The following KCNMA1 variants were observed in gnomAD, a reference collection of about 807,000 sequenced individuals.
The protein encoded by KCNMA1 is Calcium-activated potassium channel subunit alpha-1.
In KCNMA1, 29 loss-of-function variants were observed where a neutral mutation model predicts 140.0. That is an observed-to-expected ratio of 0.21 (90% CI 0.15 to 0.28). The LOEUF (loss-of-function observed/expected upper bound fraction) is 0.28. Ranked by LOEUF, KCNMA1 falls within the 10% of genes least tolerant of loss-of-function variation. The pLI, the probability that KCNMA1 is intolerant of heterozygous loss-of-function variation, is 1.00. For missense variants in KCNMA1, 880 were observed against 1,602.2 expected (o/e 0.55, Z 7.70); for synonymous variants, 612 against 611.9 (o/e 1.00, Z 0.00).
intron 1 of KCNMA1, among the ~76,000 whole-genome samples, chr10:77,524,356 C>T (rs181764327): frequency 6.6e-6 from 1 of 152,262 alleles, no homozygotes; most frequent in East Asian, 1.9e-4. Context: ...ACTTTCCATC[C>T]CCACGGTAAG....
chr10:77,626,447 C>A (rs1421427077), intron 1 of KCNMA1, among the ~76,000 whole-genome samples: 2 of 152,168 alleles, frequency 1.3e-5, no homozygotes, highest in African/African-American at 2.4e-5. Context: ...CTGTTGCCAG[C>A]TAATGTTGGT....
Position 76,885,524 on chromosome 10 carries a change from G to A in KCNMA1, c.*1742C>T. 1 of 985,180 alleles carries A rather than the reference G, an allele frequency of 1.0e-6. No homozygotes were observed. The highest frequency in any genetic ancestry group is 1.2e-6 in the Non-Finnish European group (1 of 829,890). 61.0% of individuals were successfully genotyped at this position (985,180 alleles called of 1,614,324 possible). A position where few individuals can be genotyped will look rare whatever the true frequency, so the allele number is the denominator to read the frequency against. On this transcript the variant is annotated 3_prime_UTR_variant, in exon 28 of 28. Transcript: ENST00000286628. ...ATATCCAAAACTATCATGCTTGAGG[G>A]GACGGGGGATCCAAAATCTAAATCC...
intron 1 of KCNMA1, among the ~76,000 whole-genome samples, chr10:77,479,849 C>T (rs1567066870): frequency 6.6e-6 from 1 of 152,206 alleles, no homozygotes; most frequent in Non-Finnish European, 1.5e-5. Context: ...TTTAACCTTT[C>T]ACGTGCGTCT....
chr10:77,273,482 T>C (rs1257909105), intron 2 of KCNMA1, among the ~76,000 whole-genome samples: 1 of 152,224 alleles, frequency 6.6e-6, no homozygotes, highest in South Asian at 2.1e-4. Context: ...AACTCATCTA[T>C]TCCTAGAGAA....
intron 1 of KCNMA1, among the ~76,000 whole-genome samples, chr10:77,578,435 A>G (rs1427833363): frequency 6.6e-6 from 1 of 152,170 alleles, no homozygotes; most frequent in Admixed American, 6.5e-5. Context: ...ACAGATCTCA[A>G]AAAGGGGCTT....
In KCNMA1 at chr10:77,011,188, C is replaced by T. The variant is rs570371340; in HGVS notation, c.2092+779G>A. Among the ~76,000 whole-genome samples the T allele has an allele frequency of 3.9e-5, 6 of 152,268 alleles. No individual in the cohort carries two copies. In the South Asian group the frequency reaches 8.3e-4, roughly 21 times the overall value. On this transcript the variant is annotated intron_variant, in intron 18 of 27. Transcript: ENST00000286628. ...TGAGAACAATTTCTATTAGGCAATACAGCATAATTACTGCAAAAGGCACAA... is the reference window on the plus strand; with the variant it reads ...TGAGAACAATTTCTATTAGGCAATATAGCATAATTACTGCAAAAGGCACAA...
At position 77,637,570 on chromosome 10, in the gene KCNMA1, T is replaced by C; in HGVS notation, c.73A>G (p.Met25Val). 6.5e-7 allele frequency: 1 copy of C among 1,538,770 alleles called. No individual in the cohort carries two copies. The highest frequency in any genetic ancestry group is 1.2e-5 in the South Asian group (1 of 83,832). Residue 25 changes from methionine to valine, a missense_variant, in exon 1 of 28, where the codon ATG (methionine) becomes GTG (valine). This residue lies in a region of KCNMA1 where 94 missense variants were observed against 92.4 expected (regional missense o/e 1.02). Coordinates refer to ENST00000286628, the MANE Select transcript of KCNMA1 (RefSeq NM_001161352.2). ...GGGGGGSSLRMSSNIHANHLS... is the reference protein window; with the variant it reads ...GGGGGGSSLRVSSNIHANHLS... ...TGGTTCGCGTGGATATTGCTACTCA[T>C]TCTAAGACTGCTGCCTCCGCCGCCG...
chr10:77,466,444 G>A (rs1033879323), intron 1 of KCNMA1, among the ~76,000 whole-genome samples: 1 of 152,174 alleles, frequency 6.6e-6, no homozygotes, highest in Non-Finnish European at 1.5e-5. Flanking sequence ...AACATGCATT[G>A]AGAACCTACT....
chr10:77,608,881 C>T (rs1316456442), intron 1 of KCNMA1, among the ~76,000 whole-genome samples: 4 of 151,960 alleles, frequency 2.6e-5, no homozygotes, highest in African/African-American at 4.8e-5. Context: ...ATCAAAGCCA[C>T]GATGAGTTAT....
intron 20 of KCNMA1, among the ~76,000 whole-genome samples, chr10:76,961,059 GA>G (rs2153060352): frequency 6.6e-6 from 1 of 151,772 alleles, no homozygotes; most frequent in East Asian, 1.9e-4. Context: ...TATTACTTAA[GA>G]AATATATTTA....
intron 13 of KCNMA1, among the ~76,000 whole-genome samples, chr10:77,079,036 C>T (rs186490316): frequency 2.6e-5 from 4 of 152,146 alleles, no homozygotes; most frequent in Admixed American, 6.5e-5. Flanking sequence ...TTTGGGAGGC[C>T]GAGGCGGGCA....
chr10:77,246,017 G>A (rs1230580540), intron 3 of KCNMA1, among the ~76,000 whole-genome samples: 3 of 152,176 alleles, frequency 2.0e-5, no homozygotes, highest in East Asian at 1.9e-4. Context: ...AGCCTCCTAC[G>A]TACCCACAAC....
chr10:76,927,058 C>T (rs1011052083), intron 23 of KCNMA1, among the ~76,000 whole-genome samples: 1 of 152,076 alleles, frequency 6.6e-6, no homozygotes, highest in Non-Finnish European at 1.5e-5. Flanking sequence ...ATAGGAATGA[C>T]TCTAAGGCCC....
intron 25 of KCNMA1, among the ~76,000 whole-genome samples, chr10:76,892,537 T>A (rs2040604257): frequency 6.6e-6 from 1 of 152,210 alleles, no homozygotes; most frequent in African/African-American, 2.4e-5. Flanking sequence ...TCCATTTTCC[T>A]ATGTAAGTAG....
intron 2 of KCNMA1, among the ~76,000 whole-genome samples, chr10:77,386,367 T>C (rs1446161733): frequency 1.3e-5 from 2 of 152,240 alleles, no homozygotes; most frequent in African/African-American, 4.8e-5. Flanking sequence ...GGGCTTTCTA[T>C]TCCAATTCCC....
At chr10:77,566,349 A>G (rs1427764292) in intron 1 of KCNMA1, among the ~76,000 whole-genome samples, 2 of 152,212 alleles carry the variant, frequency 1.3e-5, no homozygotes, top group Non-Finnish European at 2.9e-5. Flanking sequence ...CCTCGGCAGA[A>G]GCACTTCTCG....
At chr10:77,438,348 C>G (rs1480284436) in intron 1 of KCNMA1, among the ~76,000 whole-genome samples, 1 of 152,118 alleles carries the variant, frequency 6.6e-6, no homozygotes, top group Non-Finnish European at 1.5e-5. Flanking sequence ...GGGCAGATCA[C>G]CTGAGGTCAG....
At chr10:77,377,713 C>T (rs1372684844) in intron 2 of KCNMA1, among the ~76,000 whole-genome samples, 1 of 152,206 alleles carries the variant, frequency 6.6e-6, no homozygotes, top group African/African-American at 2.4e-5. Flanking sequence ...AAGCCACTGC[C>T]TCAGGAGATA....
chr10:77,109,028 A>ACC (rs2097258465), intron 8 of KCNMA1, among the ~76,000 whole-genome samples: 1 of 151,320 alleles, frequency 6.6e-6, no homozygotes. Context: ...GAAAATAAAC[A>ACC]CCAAAAGATT....
Sources: gnomAD v4.1 joint callset for allele counts (sites outside exome capture counted in the v4.1 genomes callset) on GRCh38, gnomAD v4.1.1 for gene constraint, gnomAD v4.1.1 regional missense constraint, MANE v1.5 for transcripts, NCBI Gene and HGNC (gene_info 2026-07-23, HGNC 2026-07-21) for gene names.